CORIN: variants seen among roughly 807,000 people sequenced by gnomAD.
CORIN encodes the protein atrial natriuretic peptide-converting enzyme.
In CORIN, 117 loss-of-function variants were observed where a neutral mutation model predicts 125.3. The observed-to-expected ratio is 0.93, with a 90% CI of 0.80 to 1.09. The LOEUF is 1.09. CORIN is among the 50% of genes least tolerant of loss of function. The pLI, the probability that CORIN is intolerant of heterozygous loss-of-function variation, is 0.00. For synonymous variants in CORIN, 450 were observed against 466.4 expected (o/e 0.96, Z 0.45); for missense variants, 1,253 against 1,306.7 (o/e 0.96, Z 0.63).
intron 3 of CORIN, among the ~76,000 whole-genome samples, chr4:47,779,889 G>A (rs750074597): frequency 2.0e-5 from 3 of 152,060 alleles, no homozygotes; most frequent in Admixed American, 6.5e-5. Flanking sequence ...AGGGCATTTC[G>A]GTCCATGTCT....
At chr4:47,699,851 T>G (rs538526088) in intron 5 of CORIN, among the ~76,000 whole-genome samples, 1 of 152,344 alleles carries the variant, frequency 6.6e-6, no homozygotes, top group Non-Finnish European at 1.5e-5. Context: ...CAGATGGCCC[T>G]TCTGCGGAAA....
At chr4:47,736,414 C>G (rs1728138391) in intron 5 of CORIN, among the ~76,000 whole-genome samples, 1 of 152,152 alleles carries the variant, frequency 6.6e-6, no homozygotes, top group Admixed American at 6.5e-5. Flanking sequence ...CATCTGAGAG[C>G]TGATGAGATA....
chr4:47,836,666 T>C (rs1225656354), intron 1 of CORIN, among the ~76,000 whole-genome samples: 1 of 152,208 alleles, frequency 6.6e-6, no homozygotes. Flanking sequence ...ACAGCTTCCC[T>C]GGGAATGCCC....
At chr4:47,644,293 T>C (rs1723371780) in intron 14 of CORIN, among the ~76,000 whole-genome samples, 1 of 152,220 alleles carries the variant, frequency 6.6e-6, no homozygotes, top group Non-Finnish European at 1.5e-5. Context: ...GGTAATGTCA[T>C]ATTTTCACCA....
intron 12 of CORIN, among the ~76,000 whole-genome samples, chr4:47,658,621 G>GCT (rs914891428): frequency 3.6e-4 from 55 of 152,244 alleles, no homozygotes; most frequent in African/African-American, 1.2e-3. Flanking sequence ...GGCTGCAAAG[G>GCT]GCAGTGGGGA....
chr4:47,661,977 T>C lies in CORIN; in HGVS notation c.1590-121A>G, dbSNP rs115944084. On this transcript the variant is annotated intron_variant, in intron 11 of 21. Transcript: ENST00000273857. ...GGCATGTATTGTGGGTGTGTGGATA[T>C]AAAAGATGCACATATATATGATAGG... The C allele has an allele frequency of 3.2e-4, 298 of 922,958 alleles. 1 individual carries two copies. The African/African-American group carries it at 4.6e-3, about 14-fold the overall frequency. 57.2% of individuals were successfully genotyped at this position (922,958 alleles called of 1,614,324 possible).
chr4:47,675,878 A>C (rs1438295267), intron 9 of CORIN, among the ~76,000 whole-genome samples: 1 of 152,162 alleles, frequency 6.6e-6, no homozygotes, highest in African/African-American at 2.4e-5. Flanking sequence ...CAGCTAAAAT[A>C]CATTTAAAGA....
intron 21 of CORIN, among the ~76,000 whole-genome samples, chr4:47,596,601 A>G (rs995115025): frequency 4.6e-5 from 7 of 152,212 alleles, no homozygotes; most frequent in Non-Finnish European, 1.0e-4. Flanking sequence ...ATAAAATGCT[A>G]TGGCATTAGA....
At chr4:47,657,814 A>C (rs150948315) in intron 12 of CORIN, among the ~76,000 whole-genome samples, 2 of 152,152 alleles carry the variant, frequency 1.3e-5, no homozygotes, top group African/African-American at 4.8e-5. Flanking sequence ...TTTATGAAGG[A>C]TCTGCCCCCA....
At chr4:47,758,928 C>G (rs1432593576) in intron 4 of CORIN, among the ~76,000 whole-genome samples, 1 of 152,182 alleles carries the variant, frequency 6.6e-6, no homozygotes, top group Non-Finnish European at 1.5e-5. Flanking sequence ...CAGTCTCATG[C>G]AGTCCTTTAT....
intron 6 of CORIN, among the ~76,000 whole-genome samples, chr4:47,691,411 A>C (rs559203383): frequency 1.3e-5 from 2 of 152,318 alleles, no homozygotes; most frequent in Admixed American, 6.5e-5. Flanking sequence ...GCCTACAAAA[A>C]TGTTTTTATG....
intron 16 of CORIN, among the ~76,000 whole-genome samples, chr4:47,636,666 T>C (rs1723040460): frequency 6.6e-6 from 1 of 152,204 alleles, no homozygotes; most frequent in African/African-American, 2.4e-5. Flanking sequence ...AGCTCTCTCT[T>C]TTCTGTGTGC....
chr4:47,769,676 C>T (rs1729930557), intron 3 of CORIN, among the ~76,000 whole-genome samples: 1 of 151,860 alleles, frequency 6.6e-6, no homozygotes, highest in Non-Finnish European at 1.5e-5. Context: ...AGCATAAAAC[C>T]AATGTAACTG....
intron 13 of CORIN, among the ~76,000 whole-genome samples, chr4:47,647,624 C>T (rs899957574): frequency 7.2e-5 from 11 of 152,154 alleles, no homozygotes; most frequent in Non-Finnish European, 2.9e-5. Flanking sequence ...CAGTATTATG[C>T]TCACCATTTT....
At chr4:47,805,136 A>C (rs938676599) in intron 2 of CORIN, among the ~76,000 whole-genome samples, 2 of 105,078 alleles carry the variant, frequency 1.9e-5, no homozygotes, top group African/African-American at 6.9e-5. Flanking sequence ...ACTCCATCTC[A>C]AAAAAAAAAA....
At chr4:47,634,944 T>C (rs1722966375) in intron 16 of CORIN, among the ~76,000 whole-genome samples, 1 of 152,268 alleles carries the variant, frequency 6.6e-6, no homozygotes, top group Admixed American at 6.5e-5. Flanking sequence ...GCATGTGATC[T>C]TAATTGAAAT....
intron 4 of CORIN, among the ~76,000 whole-genome samples, chr4:47,746,291 G>C (rs1349341025): frequency 1.3e-5 from 2 of 152,138 alleles, no homozygotes; most frequent in Admixed American, 1.3e-4. Context: ...ACTGTTCTTA[G>C]TACCACACAT....
At chr4:47,597,673 TA>T (rs1210714624) in intron 21 of CORIN, among the ~76,000 whole-genome samples, 1 of 152,168 alleles carries the variant, frequency 6.6e-6, no homozygotes, top group African/African-American at 2.4e-5. Flanking sequence ...TTATATAAAA[TA>T]AATAAGATGC....
In CORIN at chr4:47,775,042, T is replaced by C. The variant is rs566339031; in HGVS notation, c.410-11456A>G. Among the ~76,000 whole-genome samples the C allele has an allele frequency of 2.0e-5, 3 of 152,310 alleles. No individual in the cohort carries two copies. In the East Asian group the frequency reaches 5.8e-4, roughly 29 times the overall value. On this transcript the variant is annotated intron_variant, in intron 3 of 21. Coordinates refer to ENST00000273857, the MANE Select transcript of CORIN (RefSeq NM_006587.4). Reference sequence around the variant, plus strand: ...GCACATTAACAAGTGTAATGTATACTCAAAACTTTGTTAAGAAGTTAGATT... The same window carrying C: ...GCACATTAACAAGTGTAATGTATACCCAAAACTTTGTTAAGAAGTTAGATT...
Sources: gnomAD v4.1 joint callset for allele counts (sites outside exome capture counted in the v4.1 genomes callset) on GRCh38, gnomAD v4.1.1 for gene constraint, MANE v1.5 for transcripts, NCBI Gene and HGNC (gene_info 2026-07-23, HGNC 2026-07-21) for gene names.